Variants in FRK observed in about 807,000 individuals in gnomAD.
FRK encodes fyn related Src family tyrosine kinase, also known as tyrosine-protein kinase FRK.
Under a neutral mutation model 56.4 loss-of-function variants are expected in FRK, and 51 were observed. The ratio of observed to expected loss-of-function variants is 0.90; its 90% CI spans 0.72 to 1.14. FRK has a LOEUF of 1.14. FRK is among the 50% of genes most tolerant of loss of function. FRK has a pLI of 0.00. For synonymous variants in FRK, 245 were observed against 217.9 expected, an observed-to-expected ratio of 1.12 and a Z score of -1.10; for missense variants, 570 against 601.4, an observed-to-expected ratio of 0.95 and a Z score of 0.55.
intron 5 of FRK, among the ~76,000 whole-genome samples, chr6:115,946,879 G>T (rs910891294): frequency 3.3e-5 from 5 of 152,098 alleles, no homozygotes; most frequent in African/African-American, 1.2e-4. Flanking sequence ...GACATTTGTC[G>T]AATATAATAA....
In FRK at chr6:115,989,274, A is replaced by G. The variant is rs1562273170; in HGVS notation, c.466+14603T>C. On this transcript the variant is annotated intron_variant, in intron 2 of 7. Coordinates refer to ENST00000606080, the MANE Select transcript of FRK (RefSeq NM_002031.3). ...GTTCAAAAGTGCATCACAGAAAACA[A>G]TTTCCAATTCTTTTATTTATCTATT... Among the ~76,000 whole-genome samples, 7 of 152,000 alleles carry G rather than the reference A, an allele frequency of 4.6e-5. No individual in the cohort carries two copies. The South Asian group carries it at 1.5e-3, about 32-fold the overall frequency.
Position 115,934,716 on chromosome 6 carries a change from A to G in FRK, c.*7698T>C, listed in dbSNP as rs1772013811. ...TTCTCCTTTAAAGAAAGGCATGAGAATATACTCAAAATATTCTGCTTTCTC... is the reference window on the plus strand; with the variant it reads ...TTCTCCTTTAAAGAAAGGCATGAGAGTATACTCAAAATATTCTGCTTTCTC... On this transcript the variant is annotated 3_prime_UTR_variant, in exon 8 of 8. Coordinates refer to ENST00000606080, the MANE Select transcript of FRK (RefSeq NM_002031.3). 3.9e-5 allele frequency: 6 copies of G among 152,202 alleles called. No individual in the cohort carries two copies. The highest frequency in any genetic ancestry group is 3.9e-4 in the Admixed American group (6 of 15,280). 9.4% of individuals were successfully genotyped at this position (152,202 alleles called of 1,614,324 possible). A position where few individuals can be genotyped will look rare whatever the true frequency, so the allele number is the denominator to read the frequency against.
At chr6:116,071,319 C>A in the FRK span, among the ~76,000 whole-genome samples, 1 of 152,116 alleles carries the variant, frequency 6.6e-6, no homozygotes, top group African/African-American at 2.4e-5. Flanking sequence ...AAGGTATTCG[C>A]TACTGGTTGA....
chr6:115,996,414 GT>G (rs1774842900), intron 2 of FRK, among the ~76,000 whole-genome samples: 1 of 152,140 alleles, frequency 6.6e-6, no homozygotes, highest in Admixed American at 6.6e-5. Context: ...TATAAAGTGA[GT>G]TTAGGACGAA....
chr6:115,967,881 A>G (rs554139), intron 3 of FRK, among the ~76,000 whole-genome samples, 162 bp from the exon 4 acceptor site: 52,860 of 151,958 alleles, frequency 0.35, 9,554 homozygotes, highest in African/African-American at 0.44. Context: ...ATGGTGGGAG[A>G]ATCTGCATTT....
chr6:115,968,626 T>C lies in FRK; in HGVS notation c.580A>G (p.Thr194Ala). ...STLNEFVSHY[T>A]KTSDGLCVKL... ...ACACACAGGCCGTCACTTGTCTTGG[T>C]GTAGTGGCTCACAAATTCGTTCAGT... Residue 194 changes from threonine to alanine, a missense_variant, in exon 3 of 8, where the codon ACC (threonine) becomes GCC (alanine). Physicochemically the swap from Thr to Ala is moderately conservative, Grantham distance 58. Coordinates refer to ENST00000606080, the MANE Select transcript of FRK (RefSeq NM_002031.3). The C allele has an allele frequency of 1.2e-6, 2 of 1,613,942 alleles. No homozygotes were observed. The highest frequency in any genetic ancestry group is 2.2e-5 in the South Asian group (2 of 91,072).
At chr6:116,026,994 T>C (rs1776118592) in intron 1 of FRK, among the ~76,000 whole-genome samples, 1 of 152,210 alleles carries the variant, frequency 6.6e-6, no homozygotes, top group Non-Finnish European at 1.5e-5. Flanking sequence ...TAACTTGTCA[T>C]GTTCCTGCAG....
the FRK span, among the ~76,000 whole-genome samples, chr6:116,074,527 A>G: frequency 6.6e-6 from 1 of 152,200 alleles, no homozygotes; most frequent in Non-Finnish European, 1.5e-5. Flanking sequence ...ACACTTTTAA[A>G]TTATTTATTT....
intron 2 of FRK, among the ~76,000 whole-genome samples, chr6:115,999,587 G>A (rs1232457507): frequency 1.3e-5 from 2 of 152,260 alleles, no homozygotes; most frequent in East Asian, 1.9e-4. Context: ...TACTTCTAAG[G>A]AAACTCAAGT....
intron 1 of FRK, among the ~76,000 whole-genome samples, chr6:116,019,042 TGGATGGC>T (rs1282530144): frequency 6.6e-6 from 1 of 152,184 alleles, no homozygotes; most frequent in Non-Finnish European, 1.5e-5. Flanking sequence ...GTGCATTCTT[TGGATGGC>T]AAGGCAAGGG....
At chr6:116,030,671 A>T (rs1776276798) in intron 1 of FRK, among the ~76,000 whole-genome samples, 1 of 152,106 alleles carries the variant, frequency 6.6e-6, no homozygotes, top group Non-Finnish European at 1.5e-5. Context: ...GAAACCCTTC[A>T]TTGCTTTCCC....
At position 116,058,865 on chromosome 6, in the gene FRK, C is replaced by G. The variant is rs1777500914; in HGVS notation, c.344+1103G>C. On this transcript the variant is annotated intron_variant, in intron 1 of 7. Coordinates refer to ENST00000606080, the MANE Select transcript of FRK (RefSeq NM_002031.3). ...GGCGGAGCTTGCAGTGAGCCGAGAT[C>G]GCGCCACTGCACTCCAGCCTGGGGG... Among the ~76,000 whole-genome samples the G allele has an allele frequency of 6.8e-5, 10 of 148,050 alleles. No individual in the cohort carries two copies. In the Admixed American group the frequency reaches 6.9e-4, roughly 10 times the overall value.
At chr6:116,012,370 A>C (rs1435882188) in intron 1 of FRK, among the ~76,000 whole-genome samples, 2 of 152,194 alleles carry the variant, frequency 1.3e-5, no homozygotes, top group African/African-American at 4.8e-5. Flanking sequence ...GTTCTAGCTA[A>C]ATTCACACTG....
At chr6:116,045,384 A>T (rs574237936) in intron 1 of FRK, among the ~76,000 whole-genome samples, 2 of 152,206 alleles carry the variant, frequency 1.3e-5, no homozygotes, top group Non-Finnish European at 2.9e-5. Flanking sequence ...ACCAAAACAG[A>T]TATATAGACC....
rs566105648 is a variant in FRK, at chr6:115,956,420, CT to C, written c.958+31del. ...ATGGGACTAGCTAAATTAAATTCCTCTTTTTTTCCTTGTATTAAGTCTTTAG... is the reference window on the plus strand; with the variant it reads ...ATGGGACTAGCTAAATTAAATTCCTCTTTTTTCCTTGTATTAAGTCTTTAG... On this transcript the variant is annotated intron_variant, in intron 5 of 7. Transcript: ENST00000606080. 1.6e-4 allele frequency: 227 copies of C among 1,458,998 alleles called. 7 individuals are homozygous for C. The South Asian group carries it at 3.5e-3, about 22-fold the overall frequency. 90.4% of individuals were successfully genotyped at this position (1,458,998 alleles called of 1,614,324 possible).
chr6:116,023,567 C>T (rs1482949743), intron 1 of FRK, among the ~76,000 whole-genome samples: 1 of 152,050 alleles, frequency 6.6e-6, no homozygotes, highest in Non-Finnish European at 1.5e-5. Context: ...ATATGAAGTG[C>T]CAGCATAGGC....
intron 1 of FRK, 41 bp from the exon 2 acceptor site, chr6:116,004,039 A>G (rs770700465): frequency 4.8e-5 from 76 of 1,578,782 alleles, no homozygotes; most frequent in Admixed American, 2.3e-4. Flanking sequence ...ACCAATTAAC[A>G]TTCATTTTTT....
intron 2 of FRK, among the ~76,000 whole-genome samples, chr6:115,980,574 C>T (rs1162879645): frequency 6.6e-6 from 1 of 152,086 alleles, no homozygotes; most frequent in Non-Finnish European, 1.5e-5. Flanking sequence ...GTTTTACTCC[C>T]TCTGCTTTCC....
At chr6:116,000,321 C>T (rs1480741440) in intron 2 of FRK, among the ~76,000 whole-genome samples, 1 of 137,954 alleles carries the variant, frequency 7.2e-6, no homozygotes, top group East Asian at 2.4e-4. Context: ...CTGCTCACTG[C>T]AATCTCCACC....
Sources: allele counts gnomAD v4.1 joint callset (sites outside exome capture counted in the v4.1 genomes callset), GRCh38; gene constraint gnomAD v4.1.1; transcripts MANE v1.5; gene names NCBI Gene and HGNC (gene_info 2026-07-23, HGNC 2026-07-21).